Variants in PEPD observed in about 807,000 individuals in gnomAD.
PEPD encodes xaa-Pro dipeptidase.
In PEPD, 53 loss-of-function variants were observed where a neutral mutation model predicts 60.7. That is an observed-to-expected ratio of 0.87 (90% CI 0.70 to 1.10). PEPD has a LOEUF of 1.10. Ranked by LOEUF, PEPD falls within the 50% of genes least tolerant of loss-of-function variation. The pLI is 0.00. For missense variants in PEPD, 711 were observed against 711.9 expected, an observed-to-expected ratio of 1.00 and a Z score of 0.01; for synonymous variants, 267 against 284.1, an observed-to-expected ratio of 0.94 and a Z score of 0.60.
At chr19:33,467,767 G>A (rs1970047608) in intron 7 of PEPD, among the ~76,000 whole-genome samples, 1 of 152,160 alleles carries the variant, frequency 6.6e-6, no homozygotes, top group Non-Finnish European at 1.5e-5. Context: ...TTCCCGTACT[G>A]ATTTTGTACT....
chr19:33,475,363 C>T (rs1970196984), intron 7 of PEPD, among the ~76,000 whole-genome samples: 1 of 152,002 alleles, frequency 6.6e-6, no homozygotes. Flanking sequence ...CTGCCCCACA[C>T]AGCATCCTTC....
chr19:33,387,777 C>A, intron 14 of PEPD, 113 bp downstream of exon 14: 1 of 948,504 alleles, frequency 1.1e-6, no homozygotes, highest in Non-Finnish European at 1.7e-6. Flanking sequence ...GCAGGCTAAG[C>A]CCACCTCAAG....
At chr19:33,410,899 C>T (rs1002235707) in intron 11 of PEPD, among the ~76,000 whole-genome samples, 1 of 152,122 alleles carries the variant, frequency 6.6e-6, no homozygotes, top group African/African-American at 2.4e-5. Flanking sequence ...TGGCTGACAT[C>T]TGACGTGCAG....
At chr19:33,417,444 C>T (rs1418597121) in intron 9 of PEPD, among the ~76,000 whole-genome samples, 3 of 152,190 alleles carry the variant, frequency 2.0e-5, no homozygotes, top group African/African-American at 7.2e-5. Flanking sequence ...GCTGGGCTCC[C>T]TGCTCTGGGC....
Position 33,490,049 on chromosome 19 carries a change from G to C in PEPD, c.450C>G (p.Val150=), listed in dbSNP as rs1472997216. ...KPSVLLTLRG[V]NTDSGSVCRE... is the part of the protein sequence containing the mutation. The stretch of plus-strand genomic sequence containing the variant: ...TGCAGACACTGCCGCTGTCCGTGTT[G>C]ACGCCACGCTGGGGAGAGAGAACAC... The change falls in exon 6 of 15, where the codon GTC becomes GTG. Residue 150 remains valine (V), a synonymous_variant. Transcript: ENST00000244137. 1.2e-6 allele frequency: 2 copies of C among 1,611,910 alleles called. No homozygotes were observed. The highest frequency in any genetic ancestry group is 1.7e-6 in the Non-Finnish European group (2 of 1,178,466).
Position 33,437,019 on chromosome 19 carries a change from G to A in PEPD, c.672-23376C>T, listed in dbSNP as rs114793107. On this transcript the variant is annotated intron_variant, in intron 9 of 14. Transcript: ENST00000244137. ...GGAAAGAAAAAGTGGGAAATCCAGA[G>A]AAGCTGGCACGGAAGAGGAGCAGCA... Among the ~76,000 whole-genome samples the A allele has an allele frequency of 6.5e-3, 988 of 152,304 alleles. 16 individuals are homozygous for A. The highest frequency in any genetic ancestry group is 0.022 in the African/African-American group (927 of 41,556).
At chr19:33,481,581 G>A (rs1338400430) in intron 6 of PEPD, among the ~76,000 whole-genome samples, 2 of 151,714 alleles carry the variant, frequency 1.3e-5, no homozygotes, top group Non-Finnish European at 2.9e-5. Flanking sequence ...ACAAAAAAAA[G>A]AAAGAAATAG....
At chr19:33,391,537 C>G in intron 12 of PEPD, 58 bp from the exon 13 acceptor site, 1 of 1,460,650 alleles carries the variant, frequency 6.8e-7, no homozygotes, top group Non-Finnish European at 9.3e-7. Flanking sequence ...CACCGCAGGG[C>G]CAGGGGCTGG....
chr19:33,455,503 T>C (rs1173856951), intron 9 of PEPD, among the ~76,000 whole-genome samples: 2 of 151,808 alleles, frequency 1.3e-5, no homozygotes, highest in Non-Finnish European at 2.9e-5. Flanking sequence ...TGGCTTTTTT[T>C]TCTCTTTTTT....
In PEPD at chr19:33,404,913, C is replaced by T. The variant is rs79110218; in HGVS notation, c.819-3044G>A. Among the ~76,000 whole-genome samples the T allele has an allele frequency of 4.7e-3, 721 of 152,334 alleles. 13 individuals carry two copies. Among genetic ancestry groups the T allele is most frequent in the South Asian group, 0.039 (188 of 4,824 alleles). On this transcript the variant is annotated intron_variant, in intron 11 of 14. Transcript: ENST00000244137. ...GAAAGCCATGGCTTTGATAAATCAT[C>T]TCCCTCCCGCTCCTCTGCGTCCACT...
chr19:33,490,820 T>C (rs915082972), intron 5 of PEPD, among the ~76,000 whole-genome samples: 4 of 152,172 alleles, frequency 2.6e-5, no homozygotes, highest in South Asian at 2.1e-4. Context: ...CGCACCACCA[T>C]GCCCAGCTAA....
chr19:33,432,792 C>T (rs912864892), intron 9 of PEPD, among the ~76,000 whole-genome samples: 8 of 152,296 alleles, frequency 5.3e-5, no homozygotes, highest in Admixed American at 3.9e-4. Context: ...CTTTGAAATC[C>T]CCCAATTAAA....
chr19:33,430,334 C>T (rs140376546), intron 9 of PEPD, among the ~76,000 whole-genome samples: 2 of 152,278 alleles, frequency 1.3e-5, no homozygotes, highest in East Asian at 3.9e-4. Flanking sequence ...ACCCGAGAGA[C>T]GGCGAGGTAG....
rs1005440111 is a variant in PEPD at position 33,498,284 on chromosome 19, G to C, written c.393+2654C>G. Among the ~76,000 whole-genome samples, 6 of 152,274 alleles carry C rather than the reference G, an allele frequency of 3.9e-5. No homozygotes were observed. In the South Asian group the frequency reaches 1.0e-3, roughly 26 times the overall value. ...GAACCCTAAAGAGATTCTAGCCTTT[G>C]AACTCTACTGAAGCCTCGACAATCT... On this transcript the variant is annotated intron_variant, in intron 4 of 14. Coordinates refer to ENST00000244137, the MANE Select transcript of PEPD (RefSeq NM_000285.4).
intron 9 of PEPD, among the ~76,000 whole-genome samples, chr19:33,462,330 G>A (rs1386770445): frequency 6.6e-6 from 1 of 152,218 alleles, no homozygotes; most frequent in Non-Finnish European, 1.5e-5. Context: ...CAACACTGGT[G>A]GGAGGTCTCG....
chr19:33,489,916 T>C (rs1970465606), intron 6 of PEPD, 80 bp downstream of exon 6: 4 of 835,676 alleles, frequency 4.8e-6, no homozygotes, highest in South Asian at 4.3e-5. Context: ...CATGTCTTAT[T>C]TGTAGACCGG....
At chr19:33,500,630 C>T (rs891364344) in intron 4 of PEPD, among the ~76,000 whole-genome samples, 5 of 152,218 alleles carry the variant, frequency 3.3e-5, no homozygotes, top group African/African-American at 1.2e-4. Flanking sequence ...CGTGTGCCAC[C>T]GCTGCAGGCA....
intron 5 of PEPD, among the ~76,000 whole-genome samples, chr19:33,492,957 G>C (rs1040923794): frequency 6.6e-6 from 1 of 152,140 alleles, no homozygotes; most frequent in Non-Finnish European, 1.5e-5. Flanking sequence ...CCTCACTGCA[G>C]CCTCAAACTC....
At chr19:33,436,572 A>T (rs1370853294) in intron 9 of PEPD, among the ~76,000 whole-genome samples, 1 of 152,202 alleles carries the variant, frequency 6.6e-6, no homozygotes, top group East Asian at 1.9e-4. Flanking sequence ...GGAGAAGAAG[A>T]TGTTTAGGTC....
Sources: gnomAD v4.1 joint callset for allele counts (sites outside exome capture counted in the v4.1 genomes callset) on GRCh38, gnomAD v4.1.1 for gene constraint, MANE v1.5 for transcripts, NCBI Gene and HGNC (gene_info 2026-07-23, HGNC 2026-07-21) for gene names.